RPF1: variants seen among roughly 807,000 people sequenced by gnomAD.
RPF1 encodes ribosome production factor 1.
A neutral mutation model predicts 41.9 loss-of-function variants in RPF1; 34 were observed. That is an observed-to-expected ratio of 0.81 (90% confidence interval 0.62 to 1.08). The LOEUF is 1.08. Ranked by LOEUF, RPF1 falls within the 50% of genes least tolerant of loss-of-function variation. The probability of loss-of-function intolerance (pLI) is 0.00; values close to 1 mark genes in which losing one functional copy is unlikely to be tolerated. For missense variants in RPF1, 425 were observed against 435.2 expected (o/e 0.98, Z 0.21); for synonymous variants, 140 against 148.9 (o/e 0.94, Z 0.43).
Position 84,480,956 on chromosome 1 carries a change from G to T in RPF1, c.229G>T (p.Glu77Ter). 6.4e-7 allele frequency: 1 copy of T among 1,554,228 alleles called. No individual in the cohort carries two copies. The highest frequency in any genetic ancestry group is 8.8e-7 in the Non-Finnish European group (1 of 1,130,454). Residue 77 changes from glutamate (E) to a stop codon, truncating the protein, a stop_gained and splice_region_variant, in exon 2 of 9, where the codon GAA becomes TAA. Transcript: ENST00000370654. LOFTEE classifies it high-confidence loss of function. ...GTTCTCTTTTTTTTTAACCCTTTAGGAAAAGTTGGCAGCTAAGAAAAAACT... is the reference window on the plus strand; with the variant it reads ...GTTCTCTTTTTTTTTAACCCTTTAGTAAAAGTTGGCAGCTAAGAAAAAACT... ...FTRWKQQQRK[E>*]KLAAKKKLKK... is the part of the protein sequence containing the mutation.
chr1:84,490,489 T>C lies in RPF1; in HGVS notation c.616+17T>C. ...AAACCCCAAGTATCCTTTTTTTTTT[T>C]AAGGAGGTTTTCCTGTCCTCTCCCT... is the stretch of plus-strand genomic sequence containing the variant. On this transcript the variant is annotated intron_variant, in intron 5 of 8. Coordinates refer to ENST00000370654, the MANE Select transcript of RPF1 (RefSeq NM_025065.7). 2 of 1,542,546 alleles carry C rather than the reference T, an allele frequency of 1.3e-6. No homozygotes were observed. Among genetic ancestry groups the C allele is most frequent in the Non-Finnish European group, 8.8e-7 (1 of 1,141,652 alleles).
chr1:84,486,608 AAGAAT>A (rs1359281571), intron 3 of RPF1, among the ~76,000 whole-genome samples: 1 of 151,406 alleles, frequency 6.6e-6, no homozygotes, highest in Non-Finnish European at 1.5e-5. Flanking sequence ...AAAAAAAAAA[AAGAAT>A]AGGAAAATGA....
Position 84,482,716 on chromosome 1 carries a change from G to A in RPF1, c.286-199G>A, listed in dbSNP as rs371893148. On this transcript the variant is annotated intron_variant, in intron 2 of 8. Coordinates refer to ENST00000370654, the MANE Select transcript of RPF1 (RefSeq NM_025065.7). ...TTGGCCATTCTTCTAGTATGTGTGT[G>A]TCTCTGCCCAGATTGTTTAAAAAAA... Among the ~76,000 whole-genome samples the A allele has an allele frequency of 2.1e-4, 30 of 144,996 alleles. 1 individual carries two copies. In the East Asian group the frequency reaches 5.0e-3, roughly 24 times the overall value.
At chr1:84,491,957 T>TTA (rs1442890181) in intron 5 of RPF1, among the ~76,000 whole-genome samples, 4 of 152,176 alleles carry the variant, frequency 2.6e-5, no homozygotes, top group African/African-American at 9.7e-5. Flanking sequence ...GGTCAGGAGT[T>TTA]TGAGACCAGC....
rs1681933475 is a variant in RPF1, at chr1:84,496,329, A to G, written c.967A>G (p.Thr323Ala). 6.2e-7 allele frequency: 1 copy of G among 1,612,822 alleles called. No individual in the cohort carries two copies. Among genetic ancestry groups the G allele is most frequent in the Non-Finnish European group, 8.5e-7 (1 of 1,179,352 alleles). The change falls in exon 8 of 9, where the codon ACC (threonine) becomes GCC (alanine). Residue 323 changes from threonine (T) to alanine (A), a missense_variant. Thr to Ala is a moderately conservative substitution (Grantham distance 58). Coordinates refer to ENST00000370654, the MANE Select transcript of RPF1 (RefSeq NM_025065.7). ...AAAATTAAGGTCTCTTCAGAAAGGA[A>G]CCTTTGATTCTAAATATGGAGAGTA... ...TLKLRSLQKG[T>A]FDSKYGEYEW...
In RPF1 at chr1:84,489,685, C is replaced by T. The variant is rs188944933; in HGVS notation, c.419C>T (p.Thr140Ile). ...TTTGCTTCTTACTTCAACAAACAGA[C>T]TTCTCCCAAGATTCTCATCACAACA... ...DEFASYFNKQ[T>I]SPKILITTSD... The change falls in exon 4 of 9, where the codon ACT becomes ATT. Residue 140 changes from threonine (T) to isoleucine (I), a missense_variant. Coordinates refer to ENST00000370654, the MANE Select transcript of RPF1 (RefSeq NM_025065.7). 1 of 1,609,528 alleles carries T rather than the reference C, an allele frequency of 6.2e-7. No individual in the cohort carries two copies. Among genetic ancestry groups the T allele is most frequent in the Non-Finnish European group, 8.5e-7 (1 of 1,175,978 alleles).
chr1:84,492,251 G>GA (rs1301832052), intron 5 of RPF1, among the ~76,000 whole-genome samples: 2 of 152,116 alleles, frequency 1.3e-5, no homozygotes, highest in African/African-American at 4.8e-5. Flanking sequence ...GGGGAAAGTT[G>GA]AAAAAACAGG....
intron 8 of RPF1, among the ~76,000 whole-genome samples, chr1:84,496,860 CTTT>C (rs914337848): frequency 6.6e-6 from 1 of 152,022 alleles, no homozygotes; most frequent in Admixed American, 6.6e-5. Context: ...TAAATGAAAA[CTTT>C]TTTGTTGTTG....
At chr1:84,488,750 T>C (rs1410184466) in intron 3 of RPF1, among the ~76,000 whole-genome samples, 1 of 152,084 alleles carries the variant, frequency 6.6e-6, no homozygotes, top group Non-Finnish European at 1.5e-5. Flanking sequence ...TTTTGTTTTG[T>C]TTGTCATGAA....
At chr1:84,484,758 T>C (rs931006282) in intron 3 of RPF1, among the ~76,000 whole-genome samples, 46 of 150,928 alleles carry the variant, frequency 3.0e-4, no homozygotes, top group Non-Finnish European at 5.3e-4. Flanking sequence ...TGATCTCGGC[T>C]CACTGCAACC....
rs776507178 is a variant in RPF1, at chr1:84,479,519, A to T, written c.228+10A>T. 1.9e-6 allele frequency: 3 copies of T among 1,612,448 alleles called. No homozygotes were observed. In the Admixed American group the frequency reaches 5.0e-5, roughly 27 times the overall value. On this transcript the variant is annotated intron_variant, in intron 1 of 8. Transcript: ENST00000370654. ...ACAGCAGCAGCGGAAGGTACGCGAG[A>T]GGCGGGGGCTGCCGGGCGCTTGCGC...
chr1:84,479,551 C>T lies in RPF1; in HGVS notation c.228+42C>T, dbSNP rs1681603779. 8 of 1,591,038 alleles carry T rather than the reference C, an allele frequency of 5.0e-6. No individual in the cohort carries two copies. The African/African-American group carries it at 6.7e-5, about 13-fold the overall frequency. ...GGCTGCCGGGCGCTTGCGCGTTGTT[C>T]CTGACGCTTAGGGCGGTCGCGGGGC... On this transcript the variant is annotated intron_variant, in intron 1 of 8. Coordinates refer to ENST00000370654, the MANE Select transcript of RPF1 (RefSeq NM_025065.7).
chr1:84,490,305 AT>A lies in RPF1; in HGVS notation c.463-10del. The A allele has an allele frequency of 6.6e-7, 1 of 1,509,080 alleles. No individual in the cohort carries two copies. 93.5% of individuals were successfully genotyped at this position (1,509,080 alleles called of 1,614,324 possible). Reference sequence around the variant, plus strand: ...TTGAAAACTATTCAAAATTTTTGTTATTTTGTTTTGCAGAGAACAGTACGAC... The same window carrying A: ...TTGAAAACTATTCAAAATTTTTGTTATTTGTTTTGCAGAGAACAGTACGAC... On this transcript the variant is annotated splice_polypyrimidine_tract_variant and intron_variant, in intron 4 of 8. Transcript: ENST00000370654.
Position 84,479,513 on chromosome 1 carries a change from C to T in RPF1, c.228+4C>T. The T allele has an allele frequency of 6.2e-7, 1 of 1,613,168 alleles. No individual in the cohort carries two copies. Among genetic ancestry groups the T allele is most frequent in the Non-Finnish European group, 8.5e-7 (1 of 1,179,296 alleles). ...GTGGAAACAGCAGCAGCGGAAGGTA[C>T]GCGAGAGGCGGGGGCTGCCGGGCGC... On this transcript the variant is annotated splice_donor_region_variant and intron_variant, in intron 1 of 8. Coordinates refer to ENST00000370654, the MANE Select transcript of RPF1 (RefSeq NM_025065.7).
Position 84,489,648 on chromosome 1 carries a change from G to C in RPF1, c.382G>C (p.Ala128Pro). 1 of 1,601,202 alleles carries C rather than the reference G, an allele frequency of 6.2e-7. No individual in the cohort carries two copies. Among genetic ancestry groups the C allele is most frequent in the Non-Finnish European group, 8.6e-7 (1 of 1,168,482 alleles). The change falls in exon 4 of 9, where the codon GCT (alanine) becomes CCT (proline). Residue 128 changes from alanine (A) to proline (P), a missense_variant. Transcript: ENST00000370654. ...CTGTTCTCAGGTCGCTTATGATGAA[G>C]CTACAGATGAATTTGCTTCTTACTT... The part of the protein sequence containing the change: ...PNDEEVAYDE[A>P]TDEFASYFNK...
Position 84,490,329 on chromosome 1 carries a change from G to C in RPF1, c.473G>C (p.Arg158Pro). The change falls in exon 5 of 9, where the codon CGA becomes CCA. Residue 158 changes from arginine (R) to proline (P), a missense_variant. Physicochemically the swap from Arg to Pro is moderately radical, Grantham distance 103. Transcript: ENST00000370654. ...TSDRPHGRTV[R>P]LCEQLSTVIP... ...TATTTTGTTTTGCAGAGAACAGTAC[G>C]ACTCTGTGAACAGCTCTCCACAGTT... is the stretch of plus-strand genomic sequence containing the variant. The C allele has an allele frequency of 6.3e-7, 1 of 1,586,434 alleles. No individual in the cohort carries two copies. Among genetic ancestry groups the C allele is most frequent in the Non-Finnish European group, 8.5e-7 (1 of 1,170,948 alleles).
chr1:84,487,529 T>G (rs1015211579), intron 3 of RPF1, among the ~76,000 whole-genome samples: 2 of 152,150 alleles, frequency 1.3e-5, no homozygotes, highest in Non-Finnish European at 2.9e-5. Flanking sequence ...TAAAGAAATC[T>G]TCCAATTCAT....
chr1:84,493,317 G>A (rs940519496), intron 5 of RPF1, among the ~76,000 whole-genome samples: 1 of 142,492 alleles, frequency 7.0e-6, no homozygotes, highest in Non-Finnish European at 1.5e-5. Context: ...TCTGATGCAT[G>A]GTAGGCACTA....
At chr1:84,481,494 C>A (rs12406740) in intron 2 of RPF1, among the ~76,000 whole-genome samples, 3,887 of 152,218 alleles carry the variant, frequency 0.026, 171 homozygotes, top group East Asian at 0.12. Flanking sequence ...GACAGATCCT[C>A]TTCTGGAGTA....
Sources: allele counts gnomAD v4.1 joint callset (sites outside exome capture counted in the v4.1 genomes callset), GRCh38; gene constraint gnomAD v4.1.1; transcripts MANE v1.5; gene names NCBI Gene and HGNC (gene_info 2026-07-23, HGNC 2026-07-21).